The following RFX3 variants were observed in gnomAD, a reference collection of about 807,000 sequenced individuals.
The protein encoded by RFX3 is regulatory factor X3.
Under a neutral mutation model 98.6 loss-of-function variants are expected in RFX3, and 14 were observed. The ratio of observed to expected loss-of-function variants is 0.14; its 90% CI spans 0.09 to 0.22. The LOEUF is 0.22. RFX3 is among the 10% of genes least tolerant of loss of function. RFX3 has a pLI of 1.00. For missense variants in RFX3, 639 were observed against 926.9 expected (o/e 0.69, Z 4.03); for synonymous variants, 383 against 328.4 (o/e 1.17, Z -1.80).
intron 1 of RFX3, among the ~76,000 whole-genome samples, chr9:3,503,121 TTAATGTCAGAAA>T (rs1420276776): frequency 6.6e-6 from 1 of 152,164 alleles, no homozygotes; most frequent in African/African-American, 2.4e-5. Flanking sequence ...TTTTACTTTT[TTAATGTCAGAAA>T]TAACCAGGTA....
At chr9:3,354,114 A>G (rs976404579) in intron 2 of RFX3, among the ~76,000 whole-genome samples, 2 of 152,068 alleles carry the variant, frequency 1.3e-5, no homozygotes, top group African/African-American at 2.4e-5. Context: ...AAATCTACCT[A>G]CCATGAAGAA....
At position 3,224,888 on chromosome 9, in the gene RFX3, A is replaced by C; in HGVS notation, c.*154T>G. ...ACGTTAAAAAAAAAGATCTGGCAAA[A>C]TACATACACCCATTCCATTTCACAA... On this transcript the variant is annotated 3_prime_UTR_variant, in exon 17 of 17. Coordinates refer to ENST00000617270, the MANE Select transcript of RFX3 (RefSeq NM_001282116.2). 1.5e-6 allele frequency: 1 copy of C among 674,778 alleles called. No homozygotes were observed. Among genetic ancestry groups the C allele is most frequent in the South Asian group, 2.4e-5 (1 of 41,908 alleles). The allele number at this position is 674,778 out of a possible 1,614,324, so 41.8% of individuals were successfully genotyped here. A position where few individuals can be genotyped will look rare whatever the true frequency, so the allele number is the denominator to read the frequency against.
At chr9:3,236,695 C>T (rs901883416) in intron 15 of RFX3, among the ~76,000 whole-genome samples, 1 of 152,196 alleles carries the variant, frequency 6.6e-6, no homozygotes, top group African/African-American at 2.4e-5. Flanking sequence ...GCAGACACCA[C>T]ATTGCTAGAA....
In RFX3 at chr9:3,481,492, A is replaced by G. The variant is rs951064865; in HGVS notation, c.-9+44255T>C. On this transcript the variant is annotated intron_variant, in intron 1 of 16. Transcript: ENST00000617270. ...ATCTGAAAAGTACATTTTTTAAAAA[A>G]AAAAATCTAATATTTAACCTATCTA... 3.9e-5 allele frequency among the ~76,000 whole-genome samples: 6 copies of G among 152,068 alleles called. No individual in the cohort carries two copies. The East Asian group carries it at 7.7e-4, about 19-fold the overall frequency.
intron 2 of RFX3, among the ~76,000 whole-genome samples, chr9:3,387,530 C>T (rs964693093): frequency 3.3e-5 from 5 of 152,120 alleles, no homozygotes; most frequent in African/African-American, 1.2e-4. Flanking sequence ...TGTAAATCAG[C>T]ATGGTCCTCC....
rs1482284310 is a variant in RFX3, at chr9:3,442,557, T to A, written c.-8-46961A>T. On this transcript the variant is annotated intron_variant, in intron 1 of 16. Coordinates refer to ENST00000617270, the MANE Select transcript of RFX3 (RefSeq NM_001282116.2). ...AAACAGATATTAGTGGAAAAACTGA[T>A]GAAATCCAAATAAAGTCTGAAGTAT... 2.6e-5 allele frequency among the ~76,000 whole-genome samples: 4 copies of A among 152,226 alleles called. No individual in the cohort carries two copies. The East Asian group carries it at 7.7e-4, about 29-fold the overall frequency.
chr9:3,506,111 G>C (rs1485952045), intron 1 of RFX3, among the ~76,000 whole-genome samples: 1 of 151,400 alleles, frequency 6.6e-6, no homozygotes, highest in Admixed American at 6.6e-5. Context: ...TTCACAAACG[G>C]CACTAAATTC....
chr9:3,474,189 T>C (rs1031190441), intron 1 of RFX3, among the ~76,000 whole-genome samples: 8 of 152,212 alleles, frequency 5.3e-5, no homozygotes, highest in African/African-American at 1.9e-4. Flanking sequence ...GATGTAGATT[T>C]ATATAAGACT....
At chr9:3,435,526 A>G (rs941508606) in intron 1 of RFX3, among the ~76,000 whole-genome samples, 2 of 151,978 alleles carry the variant, frequency 1.3e-5, no homozygotes, top group Admixed American at 6.6e-5. Flanking sequence ...TTAGGGGACC[A>G]CTGTCATATA....
intron 2 of RFX3, among the ~76,000 whole-genome samples, chr9:3,354,768 G>C (rs945947075): frequency 1.3e-5 from 2 of 151,674 alleles, no homozygotes; most frequent in South Asian, 2.1e-4. Context: ...AAAGAAATGA[G>C]AAACATCAGA....
intron 2 of RFX3, among the ~76,000 whole-genome samples, chr9:3,374,999 A>G (rs373275952): frequency 2.8e-4 from 43 of 152,296 alleles, no homozygotes; most frequent in African/African-American, 1.0e-3. Flanking sequence ...TAGAACAAAA[A>G]ATTATTTATC....
intron 3 of RFX3, among the ~76,000 whole-genome samples, chr9:3,344,309 G>T (rs971641206): frequency 2.0e-5 from 3 of 152,048 alleles, no homozygotes; most frequent in Non-Finnish European, 4.4e-5. Flanking sequence ...GCAGTGTTTC[G>T]AATTTTTTAT....
chr9:3,281,706 T>A (rs1825937951), intron 7 of RFX3, among the ~76,000 whole-genome samples: 1 of 151,792 alleles, frequency 6.6e-6, no homozygotes, highest in African/African-American at 2.4e-5. Context: ...GCATAAAACC[T>A]GTCACTAACA....
chr9:3,303,690 T>C (rs972815004), intron 4 of RFX3, among the ~76,000 whole-genome samples: 16 of 151,866 alleles, frequency 1.1e-4, no homozygotes, highest in African/African-American at 3.9e-4. Context: ...ATTGAAGCTG[T>C]TATTTTATAG....
intron 15 of RFX3, chr9:3,247,376 CTG>C (rs1431030568): frequency 3.2e-5 from 31 of 963,368 alleles, no homozygotes; most frequent in Non-Finnish European, 3.0e-5. Flanking sequence ...GAAAATCAGA[CTG>C]TGTTTGAAAA....
chr9:3,391,288 T>C (rs1224594392), intron 2 of RFX3, among the ~76,000 whole-genome samples: 3 of 152,038 alleles, frequency 2.0e-5, no homozygotes, highest in African/African-American at 4.8e-5. Context: ...ACCACTGGAA[T>C]ATACTGGGGA....
chr9:3,429,065 C>T (rs903410655), intron 1 of RFX3, among the ~76,000 whole-genome samples: 9 of 150,574 alleles, frequency 6.0e-5, no homozygotes, highest in African/African-American at 2.0e-4. Flanking sequence ...CTGTGTCTCC[C>T]AGGCTGGAGT....
rs1395879330 is a variant in RFX3, at chr9:3,248,110, G to A, written c.1890C>T (p.Tyr630=). The A allele has an allele frequency of 1.2e-6, 2 of 1,613,782 alleles. No individual in the cohort carries two copies. The highest frequency in any genetic ancestry group is 1.3e-5 in the African/African-American group (1 of 74,904). Reference sequence around the variant, plus strand: ...CTACTAAGTAAAACATATATTCGTCGTAGAGTAGACGGATCAGGTGGAAGG... The same window carrying A: ...CTACTAAGTAAAACATATATTCGTCATAGAGTAGACGGATCAGGTGGAAGG... ...FGSFHLIRLL[Y]DEYMFYLVEH... is the part of the protein sequence containing the mutation. Residue 630 remains tyrosine, a synonymous_variant, in exon 15 of 17, where the codon TAC becomes TAT. Transcript: ENST00000617270.
chr9:3,290,429 A>C (rs1827189724), intron 6 of RFX3, among the ~76,000 whole-genome samples: 1 of 152,194 alleles, frequency 6.6e-6, no homozygotes, highest in Non-Finnish European at 1.5e-5. Flanking sequence ...AATTCCTTTC[A>C]GTAACAAAAG....
Sources: allele counts gnomAD v4.1 joint callset (sites outside exome capture counted in the v4.1 genomes callset), GRCh38; gene constraint gnomAD v4.1.1; transcripts MANE v1.5; gene names NCBI Gene and HGNC (gene_info 2026-07-23, HGNC 2026-07-21).